The following NCKAP5 variants were observed in gnomAD, a reference collection of about 807,000 sequenced individuals.
NCKAP5 encodes NCK associated protein 5.
Under a neutral mutation model 167.0 loss-of-function variants are expected in NCKAP5, and 92 were observed. The ratio of observed to expected loss-of-function variants is 0.55; its 90% CI spans 0.47 to 0.66. The LOEUF is 0.66. Among genes scored for constraint, NCKAP5 ranks in the 30% least tolerant of loss-of-function variants. The pLI is 0.00. For missense variants in NCKAP5, 2,378 were observed against 2,315.0 expected (o/e 1.03, Z -0.56); for synonymous variants, 891 against 877.4 (o/e 1.02, Z -0.27).
Position 132,784,245 on chromosome 2 carries a change from G to A in NCKAP5, c.2566C>T (p.Leu856Phe), listed in dbSNP as rs1021392247. Reference protein sequence around the residue: ...RFMKTESSGPLFELRSDPHIP... With the variant: ...RFMKTESSGPFFELRSDPHIP... ...TGTGGATCTGATCGTAATTCAAAGA[G>A]GGGCCCTGAGCTCTCAGTCTTCATG... The change falls in exon 14 of 20, where the codon CTC (leucine) becomes TTC (phenylalanine). Residue 856 changes from leucine to phenylalanine, a missense_variant. This residue lies in a region of NCKAP5 where 1,049 missense variants were observed against 1,023.4 expected (regional missense o/e 1.02). Transcript: ENST00000409261. 1.1e-5 allele frequency: 17 copies of A among 1,603,222 alleles called. No homozygotes were observed. The Admixed American group carries it at 2.6e-4, about 25-fold the overall frequency.
At chr2:133,348,084 A>G (rs796856726) in intron 3 of NCKAP5, among the ~76,000 whole-genome samples, 18 of 152,140 alleles carry the variant, frequency 1.2e-4, no homozygotes, top group African/African-American at 4.3e-4. Flanking sequence ...ATAGCATTCT[A>G]CCTATGAGGA....
intron 12 of NCKAP5, among the ~76,000 whole-genome samples, chr2:132,795,490 T>C (rs1049917906): frequency 6.6e-6 from 1 of 152,118 alleles, no homozygotes; most frequent in Non-Finnish European, 1.5e-5. Flanking sequence ...CTGTGAGAAA[T>C]GCAGTATAAA....
intron 15 of NCKAP5, among the ~76,000 whole-genome samples, chr2:132,780,248 T>C (rs1178448916): frequency 6.6e-6 from 1 of 152,032 alleles, no homozygotes; most frequent in Admixed American, 6.6e-5. Context: ...GCCTCCTGGG[T>C]TCATGCCATT....
At chr2:133,213,389 G>A (rs894115969) in intron 5 of NCKAP5, among the ~76,000 whole-genome samples, 63 of 152,142 alleles carry the variant, frequency 4.1e-4, no homozygotes, top group Non-Finnish European at 5.9e-4. Context: ...TCAAAGAGCT[G>A]AGAGGTTTGA....
At chr2:133,350,267 G>T (rs938046400) in intron 3 of NCKAP5, among the ~76,000 whole-genome samples, 1 of 152,140 alleles carries the variant, frequency 6.6e-6, no homozygotes, top group African/African-American at 2.4e-5. Context: ...TTAAAAGTTA[G>T]CTGGGTGTGG....
Position 132,725,679 on chromosome 2 carries a change from A to G in NCKAP5, c.5661T>C (p.Gly1887=). The change falls in exon 19 of 20, where the codon GGT becomes GGC. Residue 1887 remains glycine, a synonymous_variant. Coordinates refer to ENST00000409261, the MANE Select transcript of NCKAP5 (RefSeq NM_207363.3). ...CTAACTGTCCCCTTCCAGCTCCAAA[A>G]CCATTATCTCCATAGTCCAGGTCAC... The part of the protein sequence containing the change: ...SDSDLDYGDN[G]FGAGRGQLVK... 1 of 1,613,032 alleles carries G rather than the reference A, an allele frequency of 6.2e-7. No individual in the cohort carries two copies. The highest frequency in any genetic ancestry group is 1.3e-5 in the African/African-American group (1 of 74,962).
intron 3 of NCKAP5, among the ~76,000 whole-genome samples, chr2:133,390,753 C>G (rs1687344234): frequency 6.6e-6 from 1 of 152,130 alleles, no homozygotes; most frequent in Admixed American, 6.5e-5. Context: ...ACACCGTTAC[C>G]TGTGTCTAGG....
chr2:132,863,673 G>T (rs1199486074), intron 10 of NCKAP5, among the ~76,000 whole-genome samples: 1 of 152,088 alleles, frequency 6.6e-6, no homozygotes. Context: ...AGGCTTTAGG[G>T]TTGTGACACT....
At chr2:133,488,478 G>A (rs910637824) in intron 3 of NCKAP5, among the ~76,000 whole-genome samples, 13 of 152,200 alleles carry the variant, frequency 8.5e-5, no homozygotes, top group African/African-American at 2.9e-4. Context: ...CAATTTTATA[G>A]TTAGAGCTCC....
intron 4 of NCKAP5, among the ~76,000 whole-genome samples, chr2:133,293,155 G>A (rs1321934936): frequency 2.6e-5 from 4 of 152,134 alleles, no homozygotes; most frequent in Admixed American, 2.0e-4. Context: ...TGATAAATGT[G>A]AAATGTTTCT....
At chr2:132,848,625 A>AT (rs1363565455) in intron 11 of NCKAP5, among the ~76,000 whole-genome samples, 1 of 152,200 alleles carries the variant, frequency 6.6e-6, no homozygotes, top group Non-Finnish European at 1.5e-5. Flanking sequence ...ATCCTCTTCC[A>AT]TTCACTAGTT....
At chr2:133,560,279 T>G (rs1055428150) in intron 1 of NCKAP5, among the ~76,000 whole-genome samples, 1 of 152,206 alleles carries the variant, frequency 6.6e-6, no homozygotes, top group African/African-American at 2.4e-5. Flanking sequence ...TCACCAAATA[T>G]TTGATGGACG....
chr2:133,374,187 G>A (rs1685987600), intron 3 of NCKAP5, among the ~76,000 whole-genome samples: 1 of 152,140 alleles, frequency 6.6e-6, no homozygotes, highest in African/African-American at 2.4e-5. Flanking sequence ...ACAAATAAAT[G>A]GGCTATCAAG....
At chr2:133,110,041 C>G (rs558424144) in intron 6 of NCKAP5, among the ~76,000 whole-genome samples, 2 of 152,220 alleles carry the variant, frequency 1.3e-5, no homozygotes, top group East Asian at 1.9e-4. Context: ...CATTACTCAT[C>G]ATCTGCCAGC....
In NCKAP5 at chr2:133,021,209, G is replaced by A. The variant is rs115255988; in HGVS notation, c.342-26970C>T. 7.1e-3 allele frequency among the ~76,000 whole-genome samples: 1,084 copies of A among 152,264 alleles called. 9 individuals carry two copies. The highest frequency in any genetic ancestry group is 0.024 in the African/African-American group (984 of 41,556). On this transcript the variant is annotated intron_variant, in intron 6 of 19. Coordinates refer to ENST00000409261, the MANE Select transcript of NCKAP5 (RefSeq NM_207363.3). ...ACCCTTAGAGGAAAAGCAGGTTACG[G>A]CATGCAGAGATTATATTGGAAAGAA...
Position 132,883,973 on chromosome 2 carries a change from G to A in NCKAP5, c.580-5057C>T, listed in dbSNP as rs538771931. ...GGGCACAAAAATGAGGAAAACTCCC[G>A]GAAAAAGTCTGTTTGAGAGTGACTT... On this transcript the variant is annotated intron_variant, in intron 8 of 19. Transcript: ENST00000409261. 2.2e-4 allele frequency among the ~76,000 whole-genome samples: 33 copies of A among 152,244 alleles called. No individual in the cohort carries two copies. In the South Asian group the frequency reaches 5.0e-3, roughly 23 times the overall value.
chr2:133,331,581 T>G (rs573645761), intron 3 of NCKAP5, among the ~76,000 whole-genome samples: 5 of 152,180 alleles, frequency 3.3e-5, no homozygotes, highest in Non-Finnish European at 7.3e-5. Flanking sequence ...AGGAAAGCAA[T>G]TATTGTGTCC....
At chr2:133,203,516 G>C (rs2085801744) in intron 5 of NCKAP5, among the ~76,000 whole-genome samples, 1 of 151,912 alleles carries the variant, frequency 6.6e-6, no homozygotes, top group Non-Finnish European at 1.5e-5. Context: ...TTGTGCACAT[G>C]TACCCTAGAA....
intron 11 of NCKAP5, among the ~76,000 whole-genome samples, chr2:132,815,748 T>G (rs894851293): frequency 2.6e-5 from 4 of 152,212 alleles, no homozygotes. Context: ...CATCAAGCTC[T>G]ACATTGGAGC....
Sources: allele counts gnomAD v4.1 joint callset (sites outside exome capture counted in the v4.1 genomes callset), GRCh38; gene constraint gnomAD v4.1.1; regional missense constraint gnomAD v4.1.1; transcripts MANE v1.5; gene names NCBI Gene and HGNC (gene_info 2026-07-23, HGNC 2026-07-21).